ITGBL1: variants seen among roughly 807,000 people sequenced by gnomAD.
ITGBL1 encodes integrin subunit beta like 1.
ITGBL1 carries 51 observed loss-of-function variants against 68.5 expected under a neutral mutation model. The observed-to-expected ratio is 0.74, with a 90% CI of 0.59 to 0.94. ITGBL1 has a LOEUF of 0.94. Among genes scored for constraint, ITGBL1 ranks in the 40% least tolerant of loss-of-function variants. The probability of loss-of-function intolerance (pLI) is 0.00; values close to 1 mark genes in which losing one functional copy is unlikely to be tolerated. For missense variants in ITGBL1, 649 were observed against 647.4 expected, an observed-to-expected ratio of 1.00 and a Z score of -0.03; for synonymous variants, 209 against 227.3, an observed-to-expected ratio of 0.92 and a Z score of 0.72.
At chr13:101,595,937 C>A (rs902255026) in intron 6 of ITGBL1, among the ~76,000 whole-genome samples, 17 of 152,052 alleles carry the variant, frequency 1.1e-4, no homozygotes, top group Non-Finnish European at 2.2e-4. Context: ...GAAAACAACA[C>A]AAGTGTCTGT....
At chr13:101,562,201 A>G (rs1012430697) in intron 2 of ITGBL1, among the ~76,000 whole-genome samples, 2 of 152,130 alleles carry the variant, frequency 1.3e-5, no homozygotes, top group Non-Finnish European at 2.9e-5. Context: ...ACTAAAAATC[A>G]AAGTATACAA....
intron 2 of ITGBL1, among the ~76,000 whole-genome samples, chr13:101,542,871 A>G (rs1355963567): frequency 1.3e-5 from 2 of 152,068 alleles, no homozygotes; most frequent in Non-Finnish European, 2.9e-5. Flanking sequence ...AGAGACTAGG[A>G]TTGCAACCCC....
At chr13:101,488,457 G>T (rs886603603) in intron 2 of ITGBL1, among the ~76,000 whole-genome samples, 6 of 152,210 alleles carry the variant, frequency 3.9e-5, no homozygotes, top group African/African-American at 1.4e-4. Context: ...TAAAACTGGA[G>T]TGATTTCAGG....
intron 2 of ITGBL1, among the ~76,000 whole-genome samples, chr13:101,526,822 G>C (rs1213502798): frequency 6.6e-6 from 1 of 151,792 alleles, no homozygotes; most frequent in East Asian, 1.9e-4. Context: ...AATTTTTTCT[G>C]AATTATTTGA....
At chr13:101,682,380 A>G (rs1017445048) in intron 7 of ITGBL1, among the ~76,000 whole-genome samples, 2 of 152,140 alleles carry the variant, frequency 1.3e-5, no homozygotes, top group Admixed American at 1.3e-4. Context: ...TATTTTGTTT[A>G]TATAAATCTT....
intron 7 of ITGBL1, among the ~76,000 whole-genome samples, chr13:101,625,234 T>A (rs2031730724): frequency 1.3e-5 from 2 of 152,208 alleles, no homozygotes; most frequent in Admixed American, 1.3e-4. Flanking sequence ...GTGTACAGAT[T>A]GACTTAGTAA....
chr13:101,590,398 C>T (rs987108903), intron 6 of ITGBL1, among the ~76,000 whole-genome samples: 2 of 152,076 alleles, frequency 1.3e-5, no homozygotes, highest in Admixed American at 1.3e-4. Context: ...ATTTTATTTT[C>T]CCTCCCCAGG....
At chr13:101,543,978 CTTCT>C (rs1323949764) in intron 2 of ITGBL1, among the ~76,000 whole-genome samples, 1 of 152,134 alleles carries the variant, frequency 6.6e-6, no homozygotes, top group African/African-American at 2.4e-5. Context: ...AGGTTTTTAA[CTTCT>C]TTGCCATGGG....
At chr13:101,529,318 A>G (rs1369728079) in intron 2 of ITGBL1, among the ~76,000 whole-genome samples, 2 of 152,128 alleles carry the variant, frequency 1.3e-5, no homozygotes, top group African/African-American at 2.4e-5. Context: ...ATTCAGAAAA[A>G]GTTTCTGCAG....
chr13:101,481,070 A>G (rs12873873), intron 2 of ITGBL1, among the ~76,000 whole-genome samples: 29,094 of 82,154 alleles, frequency 0.35, 3,458 homozygotes, highest in East Asian at 0.63. Context: ...ACACACACAT[A>G]CATATATATA....
At chr13:101,621,491 C>G (rs2031581216) in intron 7 of ITGBL1, among the ~76,000 whole-genome samples, 2 of 152,002 alleles carry the variant, frequency 1.3e-5, no homozygotes, top group African/African-American at 4.8e-5. Flanking sequence ...GGGTTAGAGC[C>G]CTTCTTTTTT....
chr13:101,487,536 A>G (rs148297112), intron 2 of ITGBL1, among the ~76,000 whole-genome samples: 33 of 152,344 alleles, frequency 2.2e-4, no homozygotes, highest in Admixed American at 2.1e-3. Context: ...GTTTAGTTCA[A>G]TTACCTCAGG....
At chr13:101,700,214 CAG>C (rs950366523) in intron 8 of ITGBL1, among the ~76,000 whole-genome samples, 2 of 152,200 alleles carry the variant, frequency 1.3e-5, no homozygotes, top group African/African-American at 4.8e-5. Context: ...AGGCTCAAAA[CAG>C]AGCTGTTTTT....
At position 101,543,602 on chromosome 13, in the gene ITGBL1, C is replaced by A. The variant is rs565390562; in HGVS notation, c.317-24097C>A. On this transcript the variant is annotated intron_variant, in intron 2 of 10. Coordinates refer to ENST00000376180, the MANE Select transcript of ITGBL1 (RefSeq NM_004791.3). ...TGTATTTCCTGAGTTTGAATGTTGG[C>A]CTGCCTGGCTAGATTGGGGAAGTTC... is the stretch of plus-strand genomic sequence containing the variant. 2.6e-5 allele frequency among the ~76,000 whole-genome samples: 4 copies of A among 152,240 alleles called. No homozygotes were observed. In the South Asian group the frequency reaches 8.3e-4, roughly 32 times the overall value.
intron 2 of ITGBL1, among the ~76,000 whole-genome samples, chr13:101,510,435 T>G (rs2139108922): frequency 6.6e-6 from 1 of 152,254 alleles, no homozygotes; most frequent in South Asian, 2.1e-4. Flanking sequence ...GTTGATTCCG[T>G]GTTTTTGCTA....
intron 2 of ITGBL1, among the ~76,000 whole-genome samples, chr13:101,503,628 C>T (rs548092493): frequency 6.6e-6 from 1 of 152,308 alleles, no homozygotes; most frequent in Admixed American, 6.5e-5. Flanking sequence ...TAGGGGAGTA[C>T]ACCCTGAGTT....
At chr13:101,604,989 T>C (rs2030655211) in intron 7 of ITGBL1, among the ~76,000 whole-genome samples, 2 of 132,542 alleles carry the variant, frequency 1.5e-5, no homozygotes, top group Non-Finnish European at 3.3e-5. Flanking sequence ...CGTACATGTG[T>C]ATATGTATAT....
intron 2 of ITGBL1, among the ~76,000 whole-genome samples, chr13:101,512,940 T>C (rs2049139160): frequency 6.6e-6 from 1 of 152,152 alleles, no homozygotes; most frequent in Non-Finnish European, 1.5e-5. Flanking sequence ...GAAATTCTTT[T>C]GTTTGTGCTG....
chr13:101,592,548 A>G (rs1164605906), intron 6 of ITGBL1, among the ~76,000 whole-genome samples: 1 of 152,160 alleles, frequency 6.6e-6, no homozygotes, highest in Non-Finnish European at 1.5e-5. Flanking sequence ...CATGGATCAG[A>G]AAAATGAATA....
Sources: allele counts gnomAD v4.1 joint callset (sites outside exome capture counted in the v4.1 genomes callset), GRCh38; gene constraint gnomAD v4.1.1; transcripts MANE v1.5; gene names NCBI Gene and HGNC (gene_info 2026-07-23, HGNC 2026-07-21).